The following HS3ST4 variants were observed in gnomAD, a reference collection of about 807,000 sequenced individuals.
The protein encoded by HS3ST4 is heparan sulfate glucosamine 3-O-sulfotransferase 4.
In HS3ST4, 17 loss-of-function variants were observed where a neutral mutation model predicts 29.2. The ratio of observed to expected loss-of-function variants is 0.58; its 90% confidence interval spans 0.40 to 0.87. HS3ST4 has a LOEUF of 0.87. Ranked by LOEUF, HS3ST4 falls within the 40% of genes least tolerant of loss-of-function variation. The pLI, the probability that HS3ST4 is intolerant of heterozygous loss-of-function variation, is 0.00. For synonymous variants in HS3ST4, 314 were observed against 285.7 expected, an observed-to-expected ratio of 1.10 and a Z score of -1.00; for missense variants, 627 against 634.5, an observed-to-expected ratio of 0.99 and a Z score of 0.13.
chr16:25,916,114 C>T (rs569670645), intron 1 of HS3ST4, among the ~76,000 whole-genome samples: 1 of 152,318 alleles, frequency 6.6e-6, no homozygotes, highest in South Asian at 2.1e-4. Flanking sequence ...CTCATGACCA[C>T]TTGGCCAGAG....
chr16:25,837,336 A>G (rs899528396), intron 1 of HS3ST4, among the ~76,000 whole-genome samples: 40 of 152,216 alleles, frequency 2.6e-4, no homozygotes, highest in African/African-American at 9.6e-4. Flanking sequence ...AACCGGGATT[A>G]TGTACAGACT....
At chr16:25,794,456 G>A (rs1270039911) in intron 1 of HS3ST4, among the ~76,000 whole-genome samples, 2 of 151,116 alleles carry the variant, frequency 1.3e-5, no homozygotes, top group African/African-American at 2.4e-5. Context: ...GTTTAAAAAT[G>A]TCCTTATTTT....
intron 1 of HS3ST4, among the ~76,000 whole-genome samples, chr16:26,109,811 C>G (rs1899104666): frequency 6.6e-6 from 1 of 150,782 alleles, no homozygotes; most frequent in Non-Finnish European, 1.5e-5. Context: ...CAGTATTTAT[C>G]ACATACAATG....
chr16:26,095,058 G>A (rs1294786152), intron 1 of HS3ST4, among the ~76,000 whole-genome samples: 1 of 152,216 alleles, frequency 6.6e-6, no homozygotes, highest in African/African-American at 2.4e-5. Context: ...TCAACAAGAA[G>A]AGCTAAGTAT....
At chr16:25,746,192 A>G (rs1002875963) in intron 1 of HS3ST4, among the ~76,000 whole-genome samples, 8 of 152,226 alleles carry the variant, frequency 5.3e-5, no homozygotes, top group Non-Finnish European at 1.2e-4. Context: ...TGCCTTGGCC[A>G]TGTTTAATTG....
intron 1 of HS3ST4, among the ~76,000 whole-genome samples, chr16:25,789,233 T>C (rs1423338275): frequency 6.6e-6 from 1 of 151,992 alleles, no homozygotes; most frequent in Non-Finnish European, 1.5e-5. Flanking sequence ...TCCATCACCT[T>C]CTCCTCCTCC....
At chr16:25,836,057 G>T (rs997910733) in intron 1 of HS3ST4, among the ~76,000 whole-genome samples, 3 of 152,186 alleles carry the variant, frequency 2.0e-5, no homozygotes, top group Non-Finnish European at 4.4e-5. Context: ...TCTCTTCTGA[G>T]TTGGGAGGTG....
At chr16:25,851,100 G>A (rs774037172) in intron 1 of HS3ST4, among the ~76,000 whole-genome samples, 2 of 152,152 alleles carry the variant, frequency 1.3e-5, no homozygotes, top group Non-Finnish European at 2.9e-5. Context: ...CTGAGACATG[G>A]CCAAGCACTG....
intron 1 of HS3ST4, among the ~76,000 whole-genome samples, chr16:26,083,595 C>G (rs1432439768): frequency 3.9e-5 from 6 of 152,058 alleles, no homozygotes; most frequent in African/African-American, 1.4e-4. Flanking sequence ...ACAGACAGTA[C>G]AGAAATCAAT....
At chr16:26,099,267 G>A (rs1423762009) in intron 1 of HS3ST4, among the ~76,000 whole-genome samples, 5 of 152,142 alleles carry the variant, frequency 3.3e-5, no homozygotes, top group African/African-American at 9.6e-5. Context: ...TGATCCTCCT[G>A]CTTCAGCCCC....
At chr16:26,105,080 G>A (rs1450171698) in intron 1 of HS3ST4, among the ~76,000 whole-genome samples, 1 of 152,138 alleles carries the variant, frequency 6.6e-6, no homozygotes, top group Non-Finnish European at 1.5e-5. Flanking sequence ...AGCAATCACA[G>A]TGATGTCTCC....
chr16:25,945,285 CT>C (rs1596622123), intron 1 of HS3ST4, among the ~76,000 whole-genome samples: 1 of 152,090 alleles, frequency 6.6e-6, no homozygotes, highest in Non-Finnish European at 1.5e-5. Context: ...TGATAAATTG[CT>C]TTTTCCCCCC....
chr16:25,890,136 T>C (rs1967993313), intron 1 of HS3ST4, among the ~76,000 whole-genome samples: 1 of 152,206 alleles, frequency 6.6e-6, no homozygotes, highest in Admixed American at 6.5e-5. Context: ...AGATGAATCC[T>C]ATTATTATAT....
intron 1 of HS3ST4, among the ~76,000 whole-genome samples, chr16:25,838,028 C>T (rs1320520431): frequency 6.6e-6 from 1 of 152,156 alleles, no homozygotes; most frequent in African/African-American, 2.4e-5. Flanking sequence ...TGAAAGGAGG[C>T]AGCCCAGCAT....
intron 1 of HS3ST4, among the ~76,000 whole-genome samples, chr16:25,821,325 G>T (rs1380709978): frequency 2.0e-5 from 3 of 152,044 alleles, no homozygotes; most frequent in Non-Finnish European, 2.9e-5. Flanking sequence ...CCGCACCTTT[G>T]AATTTTTTAG....
chr16:25,778,437 C>T lies in HS3ST4; in HGVS notation c.734+85286C>T, dbSNP rs554605646. The stretch of plus-strand genomic sequence containing the variant: ...AGCAGGAAGGAGAAAGTTGGCTTCT[C>T]TTACAGCTCAAACAAGTACTAGGAC... On this transcript the variant is annotated intron_variant, in intron 1 of 1. Transcript: ENST00000331351. Among the ~76,000 whole-genome samples the T allele has an allele frequency of 2.6e-5, 4 of 152,350 alleles. No individual in the cohort carries two copies. In the East Asian group the frequency reaches 5.8e-4, roughly 22 times the overall value.
At chr16:25,912,598 G>A (rs1314855862) in intron 1 of HS3ST4, among the ~76,000 whole-genome samples, 1 of 152,156 alleles carries the variant, frequency 6.6e-6, no homozygotes, top group East Asian at 1.9e-4. Context: ...TAGGAACCAG[G>A]TCTACTTTCT....
At chr16:25,985,264 G>A (rs937190084) in intron 1 of HS3ST4, among the ~76,000 whole-genome samples, 7 of 152,198 alleles carry the variant, frequency 4.6e-5, no homozygotes, top group South Asian at 2.1e-4. Context: ...TTCAATGCAG[G>A]TGAATTGAGA....
intron 1 of HS3ST4, among the ~76,000 whole-genome samples, chr16:25,699,250 G>A (rs1966318813): frequency 6.6e-6 from 1 of 152,224 alleles, no homozygotes; most frequent in African/African-American, 2.4e-5. Flanking sequence ...TGCTATTTTA[G>A]TGTAGGGTTT....
Sources: allele counts gnomAD v4.1 joint callset (sites outside exome capture counted in the v4.1 genomes callset), GRCh38; gene constraint gnomAD v4.1.1; transcripts MANE v1.5; gene names NCBI Gene and HGNC (gene_info 2026-07-23, HGNC 2026-07-21).